Variants in FPGT observed in about 807,000 individuals in gnomAD.
The protein encoded by FPGT is fucose-1-phosphate guanylyltransferase.
Under a neutral mutation model 45.8 loss-of-function variants are expected in FPGT, and 41 were observed. That is an observed-to-expected ratio of 0.90 (90% CI 0.70 to 1.16). The LOEUF (loss-of-function observed/expected upper bound fraction) is 1.16. Among genes scored for constraint, FPGT ranks in the 50% most tolerant of loss-of-function variants. FPGT has a pLI of 0.00. For missense variants in FPGT, 755 were observed against 689.1 expected, an observed-to-expected ratio of 1.10 and a Z score of -1.07; for synonymous variants, 292 against 247.2, an observed-to-expected ratio of 1.18 and a Z score of -1.70.
At chr1:74,203,182 A>G (rs1651952190) in intron 3 of FPGT, among the ~76,000 whole-genome samples, 3 of 152,172 alleles carry the variant, frequency 2.0e-5, no homozygotes, top group Non-Finnish European at 4.4e-5. Context: ...AGGTTTGTTT[A>G]TACCAGCATC....
At chr1:74,199,394 T>G (rs990540950) in intron 1 of FPGT, among the ~76,000 whole-genome samples, 4 of 152,164 alleles carry the variant, frequency 2.6e-5, no homozygotes, top group African/African-American at 9.7e-5. Context: ...ATTATGTCAT[T>G]CAGAATTTAT....
In FPGT at chr1:74,201,398, T is replaced by C; in HGVS notation, c.331T>C (p.Leu111=). Residue 111 remains leucine (L), a synonymous_variant, in exon 3 of 4, where the codon TTA becomes CTA. Coordinates refer to ENST00000370898, the MANE Select transcript of FPGT (RefSeq NM_003838.5). ...TAAATGGAATTCTTTTACCATCTTATTAATTCACTCTGGTAATGTTATACT... is the reference window on the plus strand; with the variant it reads ...TAAATGGAATTCTTTTACCATCTTACTAATTCACTCTGGTAATGTTATACT... The part of the protein sequence containing the change: ...GDKWNSFTIL[L]IHSGGYSQRL... 6.2e-7 allele frequency: 1 copy of C among 1,604,724 alleles called. No homozygotes were observed. The highest frequency in any genetic ancestry group is 8.5e-7 in the Non-Finnish European group (1 of 1,173,456).
intron 3 of FPGT, among the ~76,000 whole-genome samples, chr1:74,204,026 A>T (rs12142236): frequency 0.41 from 62,113 of 150,786 alleles, 14,211 homozygotes; most frequent in East Asian, 0.73. Context: ...CCTGGGTGAC[A>T]GTAAGACTTC....
At chr1:74,202,017 A>G (rs1651847802) in intron 3 of FPGT, among the ~76,000 whole-genome samples, 1 of 152,236 alleles carries the variant, frequency 6.6e-6, no homozygotes, top group Admixed American at 6.5e-5. Context: ...CAGAGGCCAC[A>G]ATGCTTAAAA....
rs1365685412 is a variant in FPGT, at chr1:74,205,124, T to G, written c.1077T>G (p.Ile359Met). ...TTAATAACTCCAAATTTTATCACAT[T>G]GGAACAACCGAAGAATATTTGTTTT... The part of the protein sequence containing the change: ...VVLNNSKFYH[I>M]GTTEEYLFYF... The change falls in exon 4 of 4, where the codon ATT becomes ATG. Residue 359 changes from isoleucine (I) to methionine (M), a missense_variant. Ile to Met is a conservative substitution (Grantham distance 10, BLOSUM62 1). Coordinates refer to ENST00000370898, the MANE Select transcript of FPGT (RefSeq NM_003838.5). The G allele has an allele frequency of 1.9e-6, 3 of 1,613,638 alleles. No homozygotes were observed. In the East Asian group the frequency reaches 6.7e-5, roughly 36 times the overall value.
At chr1:74,200,293 C>G (rs1202890652) in intron 2 of FPGT, among the ~76,000 whole-genome samples, 1 of 152,164 alleles carries the variant, frequency 6.6e-6, no homozygotes, top group African/African-American at 2.4e-5. Flanking sequence ...TAGTTTAGGT[C>G]AACTTTGCCC....
At position 74,206,627 on chromosome 1, in the gene FPGT, C is replaced by A. The variant is rs1277095062; in HGVS notation, c.*795C>A. 6.6e-6 allele frequency: 1 copy of A among 152,044 alleles called. No homozygotes were observed. Among genetic ancestry groups the A allele is most frequent in the Non-Finnish European group, 1.5e-5 (1 of 67,956 alleles). 9.4% of individuals were successfully genotyped at this position (152,044 alleles called of 1,614,324 possible). On this transcript the variant is annotated 3_prime_UTR_variant, in exon 4 of 4. Coordinates refer to ENST00000370898, the MANE Select transcript of FPGT (RefSeq NM_003838.5). ...CTTGCATTATCTCCTATCAGTCCTTCTAACAAAACTTCAATTACCAGATGA... is the reference window on the plus strand; with the variant it reads ...CTTGCATTATCTCCTATCAGTCCTTATAACAAAACTTCAATTACCAGATGA...
chr1:74,204,797 A>T lies in FPGT; in HGVS notation c.750A>T (p.Gln250His). 1 of 1,613,748 alleles carries T rather than the reference A, an allele frequency of 6.2e-7. No homozygotes were observed. Among genetic ancestry groups the T allele is most frequent in the South Asian group, 1.1e-5 (1 of 91,052 alleles). ...NAVCRPGNFC[Q>H]QDFAGGDIAD... The stretch of plus-strand genomic sequence containing the variant: ...TGTGTAGACCTGGAAATTTTTGTCA[A>T]CAGGACTTTGCTGGGGGTGACATTG... Residue 250 changes from glutamine (Q) to histidine (H), a missense_variant, in exon 4 of 4, where the codon CAA (glutamine) becomes CAT (histidine). Gln to His is a conservative substitution (Grantham distance 24). Transcript: ENST00000370898.
Position 74,204,839 on chromosome 1 carries a change from C to T in FPGT, c.792C>T (p.Asp264=). The change falls in exon 4 of 4, where the codon GAC becomes GAT. Residue 264 remains aspartate, a synonymous_variant. Coordinates refer to ENST00000370898, the MANE Select transcript of FPGT (RefSeq NM_003838.5). The stretch of plus-strand genomic sequence containing the variant: ...GTGACATTGCCGATCTTAAATTAGA[C>T]TCTGACTATGTCTACACAGATAGCC... The part of the protein sequence containing the change: ...AGGDIADLKL[D]SDYVYTDSLF... 1 of 1,613,634 alleles carries T rather than the reference C, an allele frequency of 6.2e-7. No individual in the cohort carries two copies. The highest frequency in any genetic ancestry group is 1.1e-5 in the South Asian group (1 of 91,072).
chr1:74,205,101 A>G lies in FPGT; in HGVS notation c.1054A>G (p.Asn352Asp). ...AACATCACTAAATGTTGTTGTTCTT[A>G]ATAACTCCAAATTTTATCACATTGG... ...KGTSLNVVVL[N>D]NSKFYHIGTT... Residue 352 changes from asparagine (N) to aspartate (D), a missense_variant, in exon 4 of 4, where the codon AAT (asparagine) becomes GAT (aspartate). By Grantham distance (23) the Asn-to-Asp change is conservative (BLOSUM62 1). Transcript: ENST00000370898. The G allele has an allele frequency of 6.2e-7, 1 of 1,613,772 alleles. No individual in the cohort carries two copies. The highest frequency in any genetic ancestry group is 8.5e-7 in the Non-Finnish European group (1 of 1,179,728).
At chr1:74,200,407 G>A (rs1189351880) in intron 2 of FPGT, among the ~76,000 whole-genome samples, 1 of 151,096 alleles carries the variant, frequency 6.6e-6, no homozygotes, top group Non-Finnish European at 1.5e-5. Flanking sequence ...TAAGATATCT[G>A]TATATGACAT....
In FPGT at chr1:74,205,776, A is replaced by G. The variant is rs1652237973; in HGVS notation, c.1729A>G (p.Ile577Val). 1 of 1,591,750 alleles carries G rather than the reference A, an allele frequency of 6.3e-7. No homozygotes were observed. Among genetic ancestry groups the G allele is most frequent in the East Asian group, 2.2e-5 (1 of 44,754 alleles). ...TATCTACAAAGATGTAGAAGATATG[A>G]TAACTTACAGGGAACAAATTTTTCT... ...MLIYKDVEDMITYREQIFLEI... is the reference protein window; with the variant it reads ...MLIYKDVEDMVTYREQIFLEI... Residue 577 changes from isoleucine to valine, a missense_variant, in exon 4 of 4, where the codon ATA becomes GTA. Coordinates refer to ENST00000370898, the MANE Select transcript of FPGT (RefSeq NM_003838.5).
chr1:74,202,733 T>C (rs1161653987), intron 3 of FPGT, among the ~76,000 whole-genome samples: 2 of 152,226 alleles, frequency 1.3e-5, no homozygotes, highest in East Asian at 3.8e-4. Context: ...TTGACTCTCT[T>C]GTAATAACAT....
chr1:74,201,167 T>G (rs1169282047), intron 2 of FPGT, 151 bp from the exon 3 acceptor site: 5 of 557,112 alleles, frequency 9.0e-6, no homozygotes, highest in Non-Finnish European at 1.6e-5. Context: ...TTTTTAATTT[T>G]GTTCTATTGC....
chr1:74,205,664 A>T lies in FPGT; in HGVS notation c.1617A>T (p.Ile539=). The T allele has an allele frequency of 1.2e-6, 2 of 1,612,102 alleles. No individual in the cohort carries two copies. Among genetic ancestry groups the T allele is most frequent in the Non-Finnish European group, 1.7e-6 (2 of 1,178,162 alleles). Residue 539 remains isoleucine, a synonymous_variant, in exon 4 of 4, where the codon ATA becomes ATT. Coordinates refer to ENST00000370898, the MANE Select transcript of FPGT (RefSeq NM_003838.5). ...PVCSSLSDSV[I]TSLKMLNAVK... is the part of the protein sequence containing the mutation. ...GTTCTTCTTTGAGTGACTCAGTTAT[A>T]ACATCCCTAAAGATGTTAAATGCTG...
intron 1 of FPGT, 116 bp from the exon 2 acceptor site, chr1:74,199,547 AT>A: frequency 8.8e-7 from 1 of 1,130,950 alleles, no homozygotes; most frequent in Non-Finnish European, 1.2e-6. Flanking sequence ...CCAAAGATAC[AT>A]TTTGGAAGAT....
Position 74,207,347 on chromosome 1 carries a change from A to G in FPGT, c.*1515A>G, listed in dbSNP as rs910372996. 4 of 152,144 alleles carry G rather than the reference A, an allele frequency of 2.6e-5. No individual in the cohort carries two copies. The highest frequency in any genetic ancestry group is 5.9e-5 in the Non-Finnish European group (4 of 67,978). 9.4% of individuals were successfully genotyped at this position (152,144 alleles called of 1,614,324 possible). A position where few individuals can be genotyped will look rare whatever the true frequency, so the allele number is the denominator to read the frequency against. On this transcript the variant is annotated 3_prime_UTR_variant, in exon 4 of 4. Transcript: ENST00000370898. ...TAACAAAAAAATAAAATATTGAGAT[A>G]TCATCAAGAAATTTCTACAGCTTCA...
chr1:74,207,138 T>G lies in FPGT; in HGVS notation c.*1306T>G, dbSNP rs1183557734. The G allele has an allele frequency of 6.6e-6, 1 of 152,052 alleles. No individual in the cohort carries two copies. Among genetic ancestry groups the G allele is most frequent in the East Asian group, 1.9e-4 (1 of 5,198 alleles). 9.4% of individuals were successfully genotyped at this position (152,052 alleles called of 1,614,324 possible). On this transcript the variant is annotated 3_prime_UTR_variant, in exon 4 of 4. Coordinates refer to ENST00000370898, the MANE Select transcript of FPGT (RefSeq NM_003838.5). ...TTCATTAAATGTTCAAAATTGTAGT[T>G]TTACCAAATCTGAAGTGCCATCAGT... is the stretch of plus-strand genomic sequence containing the variant.
In FPGT at chr1:74,205,015, T is replaced by A; in HGVS notation, c.968T>A (p.Val323Asp). Residue 323 changes from valine to aspartate, a missense_variant, in exon 4 of 4, where the codon GTC becomes GAC. Transcript: ENST00000370898. ...TVEYTRNTSN[V>D]IKEESELVEM... ...GAGTACACCAGAAACACATCAAATG[T>A]CATTAAAGAAGAGTCAGAGTTGGTA... The A allele has an allele frequency of 6.2e-7, 1 of 1,613,948 alleles. No homozygotes were observed. Among genetic ancestry groups the A allele is most frequent in the Non-Finnish European group, 8.5e-7 (1 of 1,179,952 alleles).
Sources: allele counts gnomAD v4.1 joint callset (sites outside exome capture counted in the v4.1 genomes callset), GRCh38; gene constraint gnomAD v4.1.1; transcripts MANE v1.5; gene names NCBI Gene and HGNC (gene_info 2026-07-23, HGNC 2026-07-21).